Variants in RNLS observed in about 807,000 individuals in gnomAD.
RNLS encodes the protein renalase, FAD dependent amine oxidase.
RNLS carries 39 observed loss-of-function variants against 39.8 expected under a neutral mutation model. The observed-to-expected ratio is 0.98, with a 90% CI of 0.76 to 1.28. RNLS has a LOEUF of 1.28. Among genes scored for constraint, RNLS ranks in the 50% most tolerant of loss-of-function variants. The pLI is 0.00. For synonymous variants in RNLS, 147 were observed against 150.7 expected (o/e 0.98, Z 0.18); for missense variants, 410 against 413.3 (o/e 0.99, Z 0.07).
chr10:88,463,186 C>T lies in RNLS; in HGVS notation c.527-100461G>A, dbSNP rs541346731. Among the ~76,000 whole-genome samples, 100 of 152,092 alleles carry T rather than the reference C, an allele frequency of 6.6e-4. 1 individual carries two copies. In the South Asian group the frequency reaches 6.9e-3, roughly 10 times the overall value. Reference sequence around the variant, plus strand: ...ACCTTATTTGGAAATAGGATCATTGCAACTGTCATTAGTTAAGGTGAGGTC... The same window carrying T: ...ACCTTATTTGGAAATAGGATCATTGTAACTGTCATTAGTTAAGGTGAGGTC... On this transcript the variant is annotated intron_variant, in intron 4 of 6. Coordinates refer to ENST00000331772, the MANE Select transcript of RNLS (RefSeq NM_001031709.3).
chr10:88,581,762 T>C (rs1364782932), intron 2 of RNLS, 53 bp from the exon 3 acceptor site: 9 of 1,164,022 alleles, frequency 7.7e-6, no homozygotes, highest in Non-Finnish European at 9.3e-6. Flanking sequence ...TGAATAGCTC[T>C]AAAAGACTAT....
chr10:88,475,059 G>A (rs566871528), intron 4 of RNLS, among the ~76,000 whole-genome samples: 1 of 152,288 alleles, frequency 6.6e-6, no homozygotes, highest in South Asian at 2.1e-4. Flanking sequence ...AACTGAGGCT[G>A]AGATCCAAGA....
At chr10:88,368,835 T>C (rs1158147726) in intron 4 of RNLS, among the ~76,000 whole-genome samples, 2 of 152,144 alleles carry the variant, frequency 1.3e-5, no homozygotes, top group Non-Finnish European at 2.9e-5. Context: ...TACTGTTAAA[T>C]AGATTTTCAG....
At chr10:88,174,840 T>C in the RNLS span, among the ~76,000 whole-genome samples, 1 of 150,970 alleles carries the variant, frequency 6.6e-6, no homozygotes, top group Non-Finnish European at 1.5e-5. Flanking sequence ...TTGATGTTAG[T>C]TCTTCTTTAA....
intron 3 of RNLS, 64 bp from the exon 4 acceptor site, chr10:88,573,125 A>G: frequency 6.6e-7 from 1 of 1,505,484 alleles, no homozygotes; most frequent in Non-Finnish European, 9.1e-7. Flanking sequence ...AGGGGATGTG[A>G]GTAGTCACAA....
chr10:88,458,452 C>A (rs761903699), intron 4 of RNLS, among the ~76,000 whole-genome samples: 70 of 152,178 alleles, frequency 4.6e-4, no homozygotes, highest in Non-Finnish European at 4.9e-4. Flanking sequence ...TCACACCCAC[C>A]CAATCTCTCT....
At chr10:88,565,578 TC>T (rs1849445864) in intron 4 of RNLS, among the ~76,000 whole-genome samples, 1 of 151,892 alleles carries the variant, frequency 6.6e-6, no homozygotes, top group South Asian at 2.1e-4. Context: ...CAATATAACA[TC>T]CAAAGACCCT....
At chr10:88,485,118 G>A (rs1844415326) in intron 4 of RNLS, among the ~76,000 whole-genome samples, 1 of 151,878 alleles carries the variant, frequency 6.6e-6, no homozygotes. Context: ...TTGAAAAGCT[G>A]ATTCTAAAAC....
the RNLS span, among the ~76,000 whole-genome samples, chr10:88,238,932 C>T: frequency 2.6e-5 from 4 of 152,104 alleles, no homozygotes; most frequent in Non-Finnish European, 5.9e-5. Flanking sequence ...CCTCCCTATG[C>T]CAGCCATGTG....
At chr10:88,278,288 C>T (rs1842885123) in intron 6 of RNLS, among the ~76,000 whole-genome samples, 1 of 152,046 alleles carries the variant, frequency 6.6e-6, no homozygotes, top group South Asian at 2.1e-4. Flanking sequence ...TTTTGGTTCA[C>T]AGAAAATAGT....
the RNLS span, among the ~76,000 whole-genome samples, chr10:88,194,890 T>C: frequency 6.6e-6 from 1 of 152,184 alleles, no homozygotes; most frequent in Non-Finnish European, 1.5e-5. Context: ...GGCTTTCATA[T>C]AATAAAAAGT....
At chr10:88,183,101 A>G in the RNLS span, among the ~76,000 whole-genome samples, 10 of 152,294 alleles carry the variant, frequency 6.6e-5, no homozygotes, top group South Asian at 1.9e-3. Flanking sequence ...GGTTCAGTGA[A>G]GAAGGTACTT....
intron 5 of RNLS, among the ~76,000 whole-genome samples, chr10:88,360,085 C>T (rs1277518768): frequency 6.6e-6 from 1 of 152,222 alleles, no homozygotes; most frequent in Non-Finnish European, 1.5e-5. Context: ...TTTGAATGTA[C>T]ATGACTCTTT....
At chr10:88,345,346 T>A (rs1347464103) in intron 5 of RNLS, among the ~76,000 whole-genome samples, 1 of 151,994 alleles carries the variant, frequency 6.6e-6, no homozygotes, top group Non-Finnish European at 1.5e-5. Context: ...GTAGTGTAAA[T>A]TTTTTTTGGA....
chr10:88,406,890 C>A lies in RNLS; in HGVS notation c.527-44165G>T, dbSNP rs548930721. Among the ~76,000 whole-genome samples the A allele has an allele frequency of 3.3e-5, 5 of 152,168 alleles. No homozygotes were observed. In the South Asian group the frequency reaches 6.2e-4, roughly 19 times the overall value. ...GCCATAAAAAGGAATGAATTAACAG[C>A]ATCTGCAGTGACCTGGATGAGATTG... is the stretch of plus-strand genomic sequence containing the variant. On this transcript the variant is annotated intron_variant, in intron 4 of 6. Coordinates refer to ENST00000331772, the MANE Select transcript of RNLS (RefSeq NM_001031709.3).
chr10:88,330,214 C>T (rs1354268476), intron 5 of RNLS, among the ~76,000 whole-genome samples: 1 of 151,010 alleles, frequency 6.6e-6, no homozygotes, highest in East Asian at 1.9e-4. Context: ...ATTGTGAGCT[C>T]ATGCTCCTAG....
intron 4 of RNLS, among the ~76,000 whole-genome samples, chr10:88,553,549 T>C (rs2134348449): frequency 6.6e-6 from 1 of 152,304 alleles, no homozygotes; most frequent in Admixed American, 6.5e-5. Context: ...AGATTTTATA[T>C]AGTACACAAT....
At chr10:88,281,675 T>G (rs1843014580), downstream of RNLS, among the ~76,000 whole-genome samples, 1 of 152,124 alleles carries the variant, frequency 6.6e-6, no homozygotes, top group African/African-American at 2.4e-5. Flanking sequence ...TTGCATCACT[T>G]TCGAAAATCA....
intron 4 of RNLS, among the ~76,000 whole-genome samples, chr10:88,374,786 G>T (rs1850842911): frequency 6.6e-6 from 1 of 152,044 alleles, no homozygotes; most frequent in South Asian, 2.1e-4. Context: ...TACATATCTG[G>T]TTTCACCCTA....
Sources: allele counts gnomAD v4.1 joint callset (sites outside exome capture counted in the v4.1 genomes callset), GRCh38; gene constraint gnomAD v4.1.1; transcripts MANE v1.5; gene names NCBI Gene and HGNC (gene_info 2026-07-23, HGNC 2026-07-21).